Variants in KLHL1 observed in about 807,000 individuals in gnomAD.
KLHL1 encodes the protein kelch-like protein 1.
In KLHL1, 47 loss-of-function variants were observed where a neutral mutation model predicts 77.7. The observed-to-expected ratio is 0.60, with a 90% CI of 0.48 to 0.77. KLHL1 has a LOEUF of 0.77. Ranked by LOEUF, KLHL1 falls within the 30% of genes least tolerant of loss-of-function variation. The pLI is 0.00. For synonymous variants in KLHL1, 360 were observed against 325.2 expected, an observed-to-expected ratio of 1.11 and a Z score of -1.15; for missense variants, 925 against 910.8, an observed-to-expected ratio of 1.02 and a Z score of -0.20.
At chr13:69,948,537 T>A (rs1056944179) in intron 3 of KLHL1, among the ~76,000 whole-genome samples, 5 of 152,016 alleles carry the variant, frequency 3.3e-5, no homozygotes, top group African/African-American at 1.2e-4. Flanking sequence ...CAATAAGGTG[T>A]GCTACATTTA....
intron 1 of KLHL1, among the ~76,000 whole-genome samples, chr13:70,080,183 G>T (rs1388517490): frequency 6.6e-6 from 1 of 152,134 alleles, no homozygotes; most frequent in Admixed American, 6.5e-5. Flanking sequence ...CTTTGTGTGT[G>T]TCTGCTAGTC....
At chr13:69,988,743 G>A (rs1226542638) in intron 1 of KLHL1, among the ~76,000 whole-genome samples, 1 of 151,792 alleles carries the variant, frequency 6.6e-6, no homozygotes, top group Non-Finnish European at 1.5e-5. Context: ...TAAGTATATT[G>A]GCTGCAAGTA....
At chr13:69,791,353 T>C (rs998988842) in intron 7 of KLHL1, among the ~76,000 whole-genome samples, 2 of 152,026 alleles carry the variant, frequency 1.3e-5, no homozygotes, top group African/African-American at 4.8e-5. Flanking sequence ...TACGTGGCAA[T>C]ACTCACAAAT....
chr13:69,715,525 A>AT (rs74759894), intron 9 of KLHL1, among the ~76,000 whole-genome samples: 11 of 132,364 alleles, frequency 8.3e-5, no homozygotes, highest in African/African-American at 1.8e-4. Flanking sequence ...TTTATTATTT[A>AT]TTTTTTTTTT....
At chr13:69,744,975 T>C (rs925978185) in intron 7 of KLHL1, among the ~76,000 whole-genome samples, 1 of 152,030 alleles carries the variant, frequency 6.6e-6, no homozygotes, top group African/African-American at 2.4e-5. Context: ...TACCCAGATG[T>C]AAAATTTCTG....
chr13:69,940,311 C>T, intron 3 of KLHL1, 75 bp from the exon 4 acceptor site: 1 of 1,105,404 alleles, frequency 9.0e-7, no homozygotes, highest in Middle Eastern at 3.1e-4. Context: ...CTACACAAAA[C>T]ATTAGGCCAA....
intron 1 of KLHL1, among the ~76,000 whole-genome samples, chr13:70,091,965 G>A (rs924880073): frequency 1.3e-5 from 2 of 152,096 alleles, no homozygotes; most frequent in Admixed American, 6.6e-5. Flanking sequence ...AGGGTGTAGT[G>A]GGGAACATCT....
chr13:69,954,506 T>C (rs1883807869), intron 3 of KLHL1, among the ~76,000 whole-genome samples: 1 of 151,224 alleles, frequency 6.6e-6, no homozygotes, highest in Non-Finnish European at 1.5e-5. Flanking sequence ...AAACAGATTG[T>C]TTAAGGAAGT....
intron 1 of KLHL1, among the ~76,000 whole-genome samples, chr13:70,084,324 A>T (rs531639585): frequency 2.6e-3 from 393 of 152,304 alleles, no homozygotes; most frequent in Non-Finnish European, 4.7e-3. Flanking sequence ...ACAGATCATT[A>T]AACCTTTCCA....
chr13:70,106,058 T>G (rs554735240), intron 1 of KLHL1, among the ~76,000 whole-genome samples: 2 of 151,156 alleles, frequency 1.3e-5, no homozygotes, highest in African/African-American at 2.4e-5. Flanking sequence ...GTCAGCATAA[T>G]TAGGGAGCAC....
intron 3 of KLHL1, among the ~76,000 whole-genome samples, chr13:69,951,613 A>G (rs1017669535): frequency 7.9e-5 from 12 of 151,556 alleles, no homozygotes; most frequent in Non-Finnish European, 1.3e-4. Context: ...TGAGGCCACC[A>G]TACCCACTTC....
intron 1 of KLHL1, among the ~76,000 whole-genome samples, chr13:70,102,935 A>T (rs1294687831): frequency 6.6e-6 from 1 of 152,218 alleles, no homozygotes; most frequent in Non-Finnish European, 1.5e-5. Context: ...TGAGTAAAAC[A>T]GACATACTCC....
intron 4 of KLHL1, among the ~76,000 whole-genome samples, chr13:69,916,608 G>C (rs910956557): frequency 1.3e-5 from 2 of 152,012 alleles, no homozygotes; most frequent in Non-Finnish European, 2.9e-5. Context: ...GGGGAAGGGG[G>C]AGGGATAGCA....
chr13:69,970,878 T>C (rs1188067731), intron 2 of KLHL1, among the ~76,000 whole-genome samples: 2 of 152,162 alleles, frequency 1.3e-5, no homozygotes, highest in African/African-American at 4.8e-5. Context: ...ATCTGGCTTA[T>C]GACATCATCC....
chr13:69,831,989 A>G (rs1354708307), intron 6 of KLHL1, among the ~76,000 whole-genome samples: 2 of 150,214 alleles, frequency 1.3e-5, no homozygotes, highest in African/African-American at 2.5e-5. Flanking sequence ...CACAGTCAAC[A>G]TTATACTGGA....
At chr13:69,972,197 G>T (rs1214987377) in intron 2 of KLHL1, among the ~76,000 whole-genome samples, 2 of 151,878 alleles carry the variant, frequency 1.3e-5, no homozygotes, top group African/African-American at 4.8e-5. Flanking sequence ...GTTTAGGTAA[G>T]TAATTTCTTT....
At chr13:69,976,709 G>T (rs1366705761) in intron 1 of KLHL1, among the ~76,000 whole-genome samples, 1 of 151,960 alleles carries the variant, frequency 6.6e-6, no homozygotes, top group African/African-American at 2.4e-5. Context: ...GAGAATTCTG[G>T]TTCCAATTGC....
At chr13:69,951,796 G>A (rs769969803) in intron 3 of KLHL1, among the ~76,000 whole-genome samples, 2 of 151,218 alleles carry the variant, frequency 1.3e-5, no homozygotes, top group Non-Finnish European at 3.0e-5. Flanking sequence ...TTCTGACTGC[G>A]AACATTCATG....
At chr13:69,728,996 C>A (rs981016775) in intron 8 of KLHL1, among the ~76,000 whole-genome samples, 1 of 151,908 alleles carries the variant, frequency 6.6e-6, no homozygotes, top group Non-Finnish European at 1.5e-5. Context: ...TGTTTGTGAG[C>A]TAAGAAAATT....
Sources: gnomAD v4.1 joint callset for allele counts (sites outside exome capture counted in the v4.1 genomes callset) on GRCh38, gnomAD v4.1.1 for gene constraint, MANE v1.5 for transcripts, NCBI Gene and HGNC (gene_info 2026-07-23, HGNC 2026-07-21) for gene names.